Variants in ASTN1 observed in about 807,000 individuals in gnomAD.
ASTN1 encodes astrotactin-1.
ASTN1 carries 41 observed loss-of-function variants against 140.7 expected under a neutral mutation model. The ratio of observed to expected loss-of-function variants is 0.29; its 90% CI spans 0.23 to 0.38. The LOEUF is 0.38. ASTN1 is among the 10% of genes least tolerant of loss of function. The pLI, the probability that ASTN1 is intolerant of heterozygous loss-of-function variation, is 1.00. For synonymous variants in ASTN1, 640 were observed against 652.2 expected, an observed-to-expected ratio of 0.98 and a Z score of 0.29; for missense variants, 1,479 against 1,678.8, an observed-to-expected ratio of 0.88 and a Z score of 2.08.
At chr1:177,148,171 C>A (rs1682801888) in intron 1 of ASTN1, among the ~76,000 whole-genome samples, 1 of 152,158 alleles carries the variant, frequency 6.6e-6, no homozygotes, top group Non-Finnish European at 1.5e-5. Context: ...GTAATCCCAG[C>A]ACTTTGGGAG....
intron 20 of ASTN1, among the ~76,000 whole-genome samples, chr1:176,877,089 A>G (rs1668597056): frequency 6.6e-6 from 1 of 152,168 alleles, no homozygotes; most frequent in Non-Finnish European, 1.5e-5. Flanking sequence ...AAGAGTTTAT[A>G]TCTTTGGAAA....
At chr1:177,134,525 C>T (rs567566305) in intron 1 of ASTN1, among the ~76,000 whole-genome samples, 3 of 152,266 alleles carry the variant, frequency 2.0e-5, no homozygotes, top group Admixed American at 6.5e-5. Context: ...AAGACCACAT[C>T]GCTATGCTTC....
At chr1:177,138,689 C>A (rs1322827935) in intron 1 of ASTN1, among the ~76,000 whole-genome samples, 1 of 152,154 alleles carries the variant, frequency 6.6e-6, no homozygotes, top group African/African-American at 2.4e-5. Flanking sequence ...TTGCACCAAG[C>A]TGAGCTTCCT....
At chr1:177,062,616 A>G (rs1000462306) in intron 1 of ASTN1, among the ~76,000 whole-genome samples, 1 of 151,852 alleles carries the variant, frequency 6.6e-6, no homozygotes, top group Admixed American at 6.6e-5. Flanking sequence ...AAATAATAAT[A>G]ATTTCACAGA....
Position 177,023,430 on chromosome 1 carries a change from CA to C in ASTN1, c.1411del (p.Cys471ValfsTer19), listed in dbSNP as rs1366480664. ...AGTTTCGGGGTCACATTGGTGTTCA[CA>C]GGGGTCCAGGAGCCGCCGGGCACAG... ...DLCARRLLDPCEHQCDPETGE... is the reference protein window; with the variant it reads ...DLCARRLLDPXEHQCDPETGE... On this transcript the variant is annotated frameshift_variant, in exon 7 of 23. Transcript: ENST00000361833. LOFTEE classifies it high-confidence loss of function. The C allele has an allele frequency of 6.2e-7, 1 of 1,601,254 alleles. No homozygotes were observed. Among genetic ancestry groups the C allele is most frequent in the Non-Finnish European group, 8.5e-7 (1 of 1,173,946 alleles).
chr1:176,868,520 T>C (rs547138854), intron 22 of ASTN1, among the ~76,000 whole-genome samples: 1 of 152,348 alleles, frequency 6.6e-6, no homozygotes, highest in Non-Finnish European at 1.5e-5. Flanking sequence ...ATTCCAAATT[T>C]CCTTTCACAA....
rs567078955 is a variant in ASTN1, at chr1:177,143,782, ATAT to A, written c.283+20609_283+20611del. ...CATATATTTTCTAATATATGTTTAA[ATAT>A]TATAGTTTTAAAACGATACCTCAAG... On this transcript the variant is annotated intron_variant, in intron 1 of 22. Coordinates refer to ENST00000361833, the MANE Select transcript of ASTN1 (RefSeq NM_004319.3). Among the ~76,000 whole-genome samples, 34 of 152,250 alleles carry A rather than the reference ATAT, an allele frequency of 2.2e-4. 1 individual carries two copies. Among genetic ancestry groups the A allele is most frequent in the Admixed American group, 2.0e-3 (31 of 15,296 alleles).
chr1:176,962,385 C>G lies in ASTN1; in HGVS notation c.1598+2778G>C, dbSNP rs112815117. ...TTGAACATCAAGGTCTTTCCTTACTCTGGGTTCAAGTTTTTAGGAAATGCC... is the reference window on the plus strand; with the variant it reads ...TTGAACATCAAGGTCTTTCCTTACTGTGGGTTCAAGTTTTTAGGAAATGCC... On this transcript the variant is annotated intron_variant, in intron 9 of 22. Coordinates refer to ENST00000361833, the MANE Select transcript of ASTN1 (RefSeq NM_004319.3). 5.1e-3 allele frequency among the ~76,000 whole-genome samples: 771 copies of G among 152,258 alleles called. 6 individuals are homozygous for G. Among genetic ancestry groups the G allele is most frequent in the Non-Finnish European group, 6.9e-3 (469 of 68,014 alleles).
intron 8 of ASTN1, among the ~76,000 whole-genome samples, chr1:176,997,769 T>G (rs1270518130): frequency 6.6e-6 from 1 of 152,092 alleles, no homozygotes; most frequent in East Asian, 1.9e-4. Flanking sequence ...ATTGCCACAA[T>G]AGATAGTCAC....
intron 8 of ASTN1, among the ~76,000 whole-genome samples, chr1:176,979,012 A>G (rs1333630527): frequency 6.6e-6 from 1 of 152,176 alleles, no homozygotes; most frequent in African/African-American, 2.4e-5. Flanking sequence ...AACAGAAGCA[A>G]AACTGATGGG....
At chr1:177,137,469 G>A (rs973471963) in intron 1 of ASTN1, among the ~76,000 whole-genome samples, 8 of 152,214 alleles carry the variant, frequency 5.3e-5, no homozygotes. Context: ...TTACTTTGAA[G>A]TATTAATTCC....
intron 1 of ASTN1, among the ~76,000 whole-genome samples, chr1:177,077,137 A>G (rs1400568085): frequency 1.3e-5 from 2 of 152,124 alleles, no homozygotes; most frequent in Non-Finnish European, 2.9e-5. Flanking sequence ...AGCCTTCTGC[A>G]TGCCGCGTTC....
At chr1:177,042,711 A>G (rs1677034214) in intron 2 of ASTN1, among the ~76,000 whole-genome samples, 1 of 152,260 alleles carries the variant, frequency 6.6e-6, no homozygotes, top group African/African-American at 2.4e-5. Flanking sequence ...TAACTTATCC[A>G]AGTTTACATA....
chr1:176,987,615 C>T (rs1216313566), intron 8 of ASTN1, among the ~76,000 whole-genome samples: 1 of 152,328 alleles, frequency 6.6e-6, no homozygotes, highest in East Asian at 1.9e-4. Flanking sequence ...GCCCACTATT[C>T]CCTGAATAAG....
intron 20 of ASTN1, among the ~76,000 whole-genome samples, chr1:176,882,307 T>C (rs901247968): frequency 6.6e-6 from 1 of 152,334 alleles, no homozygotes; most frequent in East Asian, 1.9e-4. Context: ...AAATGACTCC[T>C]TGGACTTATA....
At chr1:177,001,946 T>TA (rs1177496924) in intron 8 of ASTN1, among the ~76,000 whole-genome samples, 1 of 152,214 alleles carries the variant, frequency 6.6e-6, no homozygotes, top group African/African-American at 2.4e-5. Context: ...GAGTCTGTTC[T>TA]ATGTCACAAT....
At chr1:177,021,755 G>T (rs1469202007) in intron 7 of ASTN1, among the ~76,000 whole-genome samples, 1 of 152,146 alleles carries the variant, frequency 6.6e-6, no homozygotes, top group Non-Finnish European at 1.5e-5. Flanking sequence ...CTCCCCCCGG[G>T]GATCAAGCTT....
At chr1:177,020,727 G>T (rs966447426) in intron 7 of ASTN1, among the ~76,000 whole-genome samples, 1 of 152,206 alleles carries the variant, frequency 6.6e-6, no homozygotes. Context: ...CACACCTGGT[G>T]TTCTGAAGCA....
intron 8 of ASTN1, among the ~76,000 whole-genome samples, chr1:177,001,179 TG>T (rs1224008726): frequency 6.6e-6 from 1 of 152,234 alleles, no homozygotes; most frequent in Non-Finnish European, 1.5e-5. Flanking sequence ...CAAGTACTTC[TG>T]GAACATCCAC....
Sources: allele counts gnomAD v4.1 joint callset (sites outside exome capture counted in the v4.1 genomes callset), GRCh38; gene constraint gnomAD v4.1.1; transcripts MANE v1.5; gene names NCBI Gene and HGNC (gene_info 2026-07-23, HGNC 2026-07-21).